CAST: variants seen among roughly 807,000 people sequenced by gnomAD.
The protein encoded by CAST is MIR583 host.
Under a neutral mutation model 119.6 loss-of-function variants are expected in CAST, and 76 were observed. The observed-to-expected ratio is 0.64, with a 90% CI of 0.53 to 0.77. CAST has a LOEUF of 0.77. CAST is among the 30% of genes least tolerant of loss of function. The pLI is 0.00. For missense variants in CAST, 953 were observed against 946.5 expected (o/e 1.01, Z -0.09); for synonymous variants, 319 against 331.6 (o/e 0.96, Z 0.41).
chr5:96,751,333 A>G (rs1049340219), intron 20 of CAST, among the ~76,000 whole-genome samples: 4 of 152,170 alleles, frequency 2.6e-5, no homozygotes, highest in African/African-American at 7.2e-5. Context: ...CCTACCTTTC[A>G]TCATCTGCTG....
the CAST span, among the ~76,000 whole-genome samples, chr5:96,219,985 G>A: frequency 6.6e-6 from 1 of 152,164 alleles, no homozygotes; most frequent in African/African-American, 2.4e-5. Context: ...AGCTGATGCT[G>A]TATGTTGCCC....
rs79886450 is a variant in CAST at position 96,656,076 on chromosome 5, T to C, written c.61-19463T>C. Among the ~76,000 whole-genome samples, 617 of 152,376 alleles carry C rather than the reference T, an allele frequency of 4.0e-3. 3 individuals are homozygous for C. The highest frequency in any genetic ancestry group is 6.1e-3 in the Non-Finnish European group (414 of 68,038). Reference sequence around the variant, plus strand: ...AAAACATAGTTCACATTATTCATTGTTTTTACCTGATCATAGATAATGAAG... The same window carrying C: ...AAAACATAGTTCACATTATTCATTGCTTTTACCTGATCATAGATAATGAAG... On this transcript the variant is annotated intron_variant, in intron 1 of 11. Coordinates refer to the CAST transcript ENST00000505143.
the CAST span, among the ~76,000 whole-genome samples, chr5:96,445,923 C>A: frequency 2.5e-4 from 38 of 152,308 alleles, no homozygotes; most frequent in Admixed American, 9.2e-4. Flanking sequence ...TCTGGGCTCA[C>A]TGCAGCCTCG....
At chr5:96,551,464 A>G (rs1487147924) in intron 1 of CAST, among the ~76,000 whole-genome samples, 3 of 152,244 alleles carry the variant, frequency 2.0e-5, no homozygotes, top group African/African-American at 7.2e-5. Context: ...CTGCAAAAAC[A>G]TGCCAAATTG....
chr5:96,024,644 C>G, the CAST span, among the ~76,000 whole-genome samples: 1 of 152,052 alleles, frequency 6.6e-6, no homozygotes, highest in African/African-American at 2.4e-5. Flanking sequence ...ACTAGGACCT[C>G]TACTTCTACT....
chr5:96,054,608 T>C, the CAST span, among the ~76,000 whole-genome samples: 2 of 152,198 alleles, frequency 1.3e-5, no homozygotes, highest in Admixed American at 1.3e-4. Context: ...TTCTGTGTCA[T>C]AATTTCCTTA....
the CAST span, among the ~76,000 whole-genome samples, chr5:96,305,780 G>A: frequency 0.19 from 28,643 of 151,580 alleles, 3,530 homozygotes; most frequent in Non-Finnish European, 0.26. Flanking sequence ...TATTGAGCCA[G>A]CCTTGCATCC....
chr5:96,736,137 A>G lies in CAST; in HGVS notation c.631-35A>G, dbSNP rs78681066. The G allele has an allele frequency of 5.6e-3, 7,244 of 1,293,472 alleles. 151 individuals are homozygous for G. Among genetic ancestry groups the G allele is most frequent in the Admixed American group, 0.042 (2,373 of 57,148 alleles). The allele number at this position is 1,293,472 out of a possible 1,614,324, so 80.1% of individuals were successfully genotyped here. A position where few individuals can be genotyped will look rare whatever the true frequency, so the allele number is the denominator to read the frequency against. ...TAATAGTATTGAGTTTTATTAAGGT[A>G]TGTGAGGAGTTGTTAATTTCTCAAT... On this transcript the variant is annotated intron_variant, in intron 9 of 31. Transcript: ENST00000675179.
chr5:96,396,469 G>A, the CAST span, among the ~76,000 whole-genome samples: 1 of 151,598 alleles, frequency 6.6e-6, no homozygotes, highest in South Asian at 2.1e-4. Context: ...GCTGAGGCAG[G>A]AGAAGCGCTT....
intron 1 of CAST, among the ~76,000 whole-genome samples, chr5:96,560,927 C>G (rs1366245889): frequency 6.6e-6 from 1 of 152,188 alleles, no homozygotes; most frequent in Admixed American, 6.5e-5. Flanking sequence ...GCACTATTCA[C>G]TACAGCAAAG....
rs1023707039 is a variant in CAST at position 96,650,225 on chromosome 5, G to A, written c.61-25314G>A. Among the ~76,000 whole-genome samples the A allele has an allele frequency of 3.3e-5, 5 of 152,314 alleles. No homozygotes were observed. In the East Asian group the frequency reaches 9.6e-4, roughly 29 times the overall value. On this transcript the variant is annotated intron_variant, in intron 1 of 11. Coordinates refer to the CAST transcript ENST00000505143. Reference sequence around the variant, plus strand: ...GTTCTAGCCAATGGACTAGAAGTACGAGGGATGAGGGTCACTTCCAGTTTG... The same window carrying A: ...GTTCTAGCCAATGGACTAGAAGTACAAGGGATGAGGGTCACTTCCAGTTTG...
intron 4 of CAST, among the ~76,000 whole-genome samples, chr5:96,726,168 A>G (rs569217115): frequency 1.1e-3 from 163 of 152,372 alleles, no homozygotes; most frequent in Non-Finnish European, 1.7e-3. Context: ...TGAAAAGTTC[A>G]TGAAATGTTT....
intron 22 of CAST, among the ~76,000 whole-genome samples, chr5:96,755,670 C>G (rs900323648): frequency 6.6e-5 from 10 of 152,212 alleles, no homozygotes; most frequent in Admixed American, 5.2e-4. Context: ...CAAATTCATG[C>G]TTCTCACTCA....
rs574416622 is a variant in CAST at position 96,596,340 on chromosome 5, A to C, written c.60+66460A>C. On this transcript the variant is annotated intron_variant, in intron 1 of 11. Coordinates refer to the CAST transcript ENST00000505143. ...GAGAAGGAGGAAGTAACTACAAGCCAAGGAATACAGTCAGCCACTAAAAGC... is the reference window on the plus strand; with the variant it reads ...GAGAAGGAGGAAGTAACTACAAGCCCAGGAATACAGTCAGCCACTAAAAGC... 3.9e-5 allele frequency among the ~76,000 whole-genome samples: 6 copies of C among 152,306 alleles called. No individual in the cohort carries two copies. The South Asian group carries it at 1.2e-3, about 32-fold the overall frequency.
chr5:96,374,778 A>T, the CAST span, among the ~76,000 whole-genome samples: 11 of 152,256 alleles, frequency 7.2e-5, no homozygotes, highest in African/African-American at 2.6e-4. Flanking sequence ...CCCTGTTAGG[A>T]TGTGGCCACA....
chr5:96,163,334 C>T, the CAST span, among the ~76,000 whole-genome samples: 28 of 152,198 alleles, frequency 1.8e-4, no homozygotes, highest in East Asian at 5.4e-3. Flanking sequence ...ATTTCATTGA[C>T]CTTTTAAAAG....
intron 1 of CAST, among the ~76,000 whole-genome samples, chr5:96,666,222 A>G (rs934186862): frequency 2.0e-5 from 3 of 151,212 alleles, no homozygotes; most frequent in Admixed American, 6.6e-5. Flanking sequence ...CATCAATCCT[A>G]TTGACTTTAT....
chr5:96,421,993 TAAAAAAAAAAAA>T, the CAST span: 226 of 357,992 alleles, frequency 6.3e-4, no homozygotes, highest in Non-Finnish European at 6.9e-4. Context: ...GTGGCAGCAT[TAAAAAAAAAAAA>T]AAAAAAAAAA....
the CAST span, among the ~76,000 whole-genome samples, chr5:96,322,995 G>A: frequency 6.6e-6 from 1 of 152,110 alleles, no homozygotes; most frequent in South Asian, 2.1e-4. Context: ...TTTGTTCTGG[G>A]TGAGTATACG....
Sources: gnomAD v4.1 joint callset for allele counts (sites outside exome capture counted in the v4.1 genomes callset) on GRCh38, gnomAD v4.1.1 for gene constraint, MANE v1.5 for transcripts, NCBI Gene and HGNC (gene_info 2026-07-23, HGNC 2026-07-21) for gene names.